TTC39C: variants seen among roughly 807,000 people sequenced by gnomAD.
TTC39C encodes the protein tetratricopeptide repeat protein 39C.
Under a neutral mutation model 76.3 loss-of-function variants are expected in TTC39C, and 33 were observed. The observed-to-expected ratio is 0.43, with a 90% CI of 0.33 to 0.58. TTC39C has a LOEUF of 0.58. Among genes scored for constraint, TTC39C ranks in the 20% least tolerant of loss-of-function variants. The pLI, the probability that TTC39C is intolerant of heterozygous loss-of-function variation, is 0.04. For synonymous variants in TTC39C, 254 were observed against 260.6 expected (o/e 0.97, Z 0.24); for missense variants, 595 against 701.4 (o/e 0.85, Z 1.71).
At chr18:24,123,197 T>A (rs1213197613) in intron 8 of TTC39C, among the ~76,000 whole-genome samples, 1 of 152,138 alleles carries the variant, frequency 6.6e-6, no homozygotes. Context: ...ACTTTGAGTA[T>A]GTGAGCCCTA....
intron 6 of TTC39C, among the ~76,000 whole-genome samples, chr18:24,096,326 A>G (rs185826): frequency 6.6e-5 from 10 of 152,246 alleles, no homozygotes; most frequent in African/African-American, 1.4e-4. Context: ...TTCTAAATGT[A>G]TAATATAAAT....
chr18:24,111,924 T>TA (rs1287587315), intron 6 of TTC39C, among the ~76,000 whole-genome samples: 11 of 119,228 alleles, frequency 9.2e-5, no homozygotes, highest in African/African-American at 3.8e-4. Flanking sequence ...TATATATATA[T>TA]TTTTTTTGGT....
chr18:24,051,577 ACACT>A (rs2083949410), intron 1 of TTC39C, among the ~76,000 whole-genome samples: 3 of 152,222 alleles, frequency 2.0e-5, no homozygotes, highest in South Asian at 4.1e-4. Context: ...TGTGAATCAA[ACACT>A]CATAAACTAA....
chr18:24,033,465 C>T (rs2083697408), intron 1 of TTC39C, among the ~76,000 whole-genome samples: 1 of 152,194 alleles, frequency 6.6e-6, no homozygotes, highest in African/African-American at 2.4e-5. Context: ...ACTTATCCTT[C>T]AACCTCAACT....
chr18:24,072,118 A>T (rs2084247885), intron 4 of TTC39C, among the ~76,000 whole-genome samples: 1 of 151,926 alleles, frequency 6.6e-6, no homozygotes, highest in Non-Finnish European at 1.5e-5. Flanking sequence ...CTTAGAAAAC[A>T]TTTTACATGG....
intron 1 of TTC39C, among the ~76,000 whole-genome samples, chr18:24,055,292 A>G (rs1441469244): frequency 6.6e-6 from 1 of 152,052 alleles, no homozygotes. Context: ...TGGTAATTCT[A>G]TTTTTTCAGA....
intron 6 of TTC39C, among the ~76,000 whole-genome samples, chr18:24,099,486 C>A (rs2084650306): frequency 6.6e-6 from 1 of 151,836 alleles, no homozygotes; most frequent in Admixed American, 6.6e-5. Flanking sequence ...GAGGCAGGAG[C>A]ATTCCATAAC....
At chr18:24,126,809 G>C (rs906464668) in intron 10 of TTC39C, among the ~76,000 whole-genome samples, 11 of 151,968 alleles carry the variant, frequency 7.2e-5, no homozygotes, top group African/African-American at 2.7e-4. Flanking sequence ...TACTGCACCT[G>C]GCTACTGTAT....
At chr18:24,070,291 C>T (rs1440096856) in intron 4 of TTC39C, among the ~76,000 whole-genome samples, 1 of 152,144 alleles carries the variant, frequency 6.6e-6, no homozygotes, top group Non-Finnish European at 1.5e-5. Context: ...TGTTTTGGTT[C>T]AATAATTCTT....
At chr18:24,007,767 A>G (rs7237331) in intron 1 of TTC39C, among the ~76,000 whole-genome samples, 150,330 of 152,352 alleles carry the variant, frequency 0.99, 74,198 homozygotes, top group East Asian at 1. Flanking sequence ...TATTGTTTAT[A>G]TTCGAAACAG....
At chr18:24,124,310 T>G (rs1268116365) in intron 9 of TTC39C, 2 of 159,448 alleles carry the variant, frequency 1.3e-5, no homozygotes, top group Non-Finnish European at 2.7e-5. Flanking sequence ...TTTTAATGAA[T>G]GGAGACTATA....
chr18:24,129,128 T>C, intron 11 of TTC39C, 145 bp downstream of exon 11: 1 of 559,438 alleles, frequency 1.8e-6, no homozygotes, highest in Non-Finnish European at 3.1e-6. Flanking sequence ...AATGCCATCT[T>C]CTCAGATGCT....
At chr18:24,129,301 C>T (rs985480479) in intron 11 of TTC39C, among the ~76,000 whole-genome samples, 5 of 152,156 alleles carry the variant, frequency 3.3e-5, no homozygotes, top group African/African-American at 1.2e-4. Flanking sequence ...GGAGTGAAGT[C>T]TCATTGTTAG....
At chr18:24,024,601 A>C (rs1292294810) in intron 1 of TTC39C, among the ~76,000 whole-genome samples, 1 of 152,150 alleles carries the variant, frequency 6.6e-6, no homozygotes, top group East Asian at 1.9e-4. Context: ...GCAGTGAACC[A>C]GGCCTTCTTT....
At position 24,001,654 on chromosome 18, in the gene TTC39C, G is replaced by C. The variant is rs1300743569; in HGVS notation, c.-17+8616G>C. 2.6e-5 allele frequency: 4 copies of C among 152,160 alleles called. No homozygotes were observed. In the South Asian group the frequency reaches 8.3e-4, roughly 32 times the overall value. The allele number at this position is 152,160 out of a possible 1,614,324, so 9.4% of individuals were successfully genotyped here. Reference sequence around the variant, plus strand: ...TCCATCACCACCACATCCTCCCATCGGTGTCCTAAGTAAACATTTCACAAA... The same window carrying C: ...TCCATCACCACCACATCCTCCCATCCGTGTCCTAAGTAAACATTTCACAAA... On this transcript the variant is annotated intron_variant, in intron 1 of 13. Coordinates refer to the TTC39C transcript ENST00000304621.
chr18:24,036,435 C>A (rs569194987), intron 1 of TTC39C, among the ~76,000 whole-genome samples: 8 of 152,272 alleles, frequency 5.3e-5, no homozygotes, highest in Admixed American at 4.6e-4. Context: ...TCTTTCACCT[C>A]GCTGGTTAAG....
chr18:24,013,491 A>T (rs570148373), upstream of TTC39C, among the ~76,000 whole-genome samples: 18 of 152,380 alleles, frequency 1.2e-4, 1 homozygote, highest in East Asian at 3.5e-3. Context: ...AACTTATTAT[A>T]TTGGTCCCAT....
chr18:24,055,717 G>C (rs2084006500), intron 1 of TTC39C, among the ~76,000 whole-genome samples: 1 of 152,104 alleles, frequency 6.6e-6, no homozygotes, highest in South Asian at 2.1e-4. Flanking sequence ...ATTATGTTCT[G>C]TGAGGCACAG....
intron 1 of TTC39C, among the ~76,000 whole-genome samples, chr18:24,028,148 A>G (rs1447430682): frequency 6.6e-6 from 1 of 152,202 alleles, no homozygotes; most frequent in Non-Finnish European, 1.5e-5. Flanking sequence ...ATAGGGGAAA[A>G]AAAAAGGAGG....
Sources: gnomAD v4.1 joint callset for allele counts (sites outside exome capture counted in the v4.1 genomes callset) on GRCh38, gnomAD v4.1.1 for gene constraint, MANE v1.5 for transcripts, NCBI Gene and HGNC (gene_info 2026-07-23, HGNC 2026-07-21) for gene names.